The following IL1RAPL2 variants were observed in gnomAD, a reference collection of about 807,000 sequenced individuals.
IL1RAPL2 encodes X-linked interleukin-1 receptor accessory protein-like 2.
In IL1RAPL2, 3 loss-of-function variants were observed where a neutral mutation model predicts 44.1. The observed-to-expected ratio is 0.07, with a 90% CI of 0.03 to 0.18. The LOEUF (loss-of-function observed/expected upper bound fraction) is 0.18, where lower values mean the gene tolerates loss of function less well. Ranked by LOEUF, IL1RAPL2 falls within the 10% of genes least tolerant of loss-of-function variation. The pLI, the probability that IL1RAPL2 is intolerant of heterozygous loss-of-function variation, is 1.00. For synonymous variants in IL1RAPL2, 181 were observed against 178.8 expected (o/e 1.01, Z -0.10); for missense variants, 391 against 496.4 (o/e 0.79, Z 2.02).
intron 2 of IL1RAPL2, among the ~76,000 whole-genome samples, chrX:104,951,801 T>C (rs1454876779): frequency 8.9e-6 from 1 of 112,447 alleles, no homozygotes; most frequent in Non-Finnish European, 1.9e-5. Context: ...AAGGATTCAA[T>C]AGGAAAGTGC....
chrX:105,406,161 A>G (rs2035642796), intron 5 of IL1RAPL2: 54 of 1,158,081 alleles, frequency 4.7e-5, no homozygotes, highest in Non-Finnish European at 6.0e-5. Context: ...ACAAATGGAG[A>G]AATCAATTTG....
At chrX:104,872,399 A>C (rs984916008) in intron 2 of IL1RAPL2, among the ~76,000 whole-genome samples, 2 of 111,777 alleles carry the variant, frequency 1.8e-5, no homozygotes, top group African/African-American at 6.5e-5. Flanking sequence ...GAACATGTGC[A>C]CACATATGTA....
chrX:105,621,992 G>A (rs1251854033), intron 6 of IL1RAPL2, among the ~76,000 whole-genome samples: 2 of 109,701 alleles, frequency 1.8e-5, no homozygotes, highest in Non-Finnish European at 1.9e-5. Flanking sequence ...GGGAAGTAAC[G>A]ATGGTTCAGT....
In IL1RAPL2 at chrX:105,363,299, TATATATATA is replaced by T. The variant is rs1247721788; in HGVS notation, c.697+95768_697+95776del. Reference sequence around the variant, plus strand: ...TGTGTATATATATATAATATATATATATATATATAATATATATATATATATATATATTCT... The same window carrying T: ...TGTGTATATATATATAATATATATATATATATATATATATATATATATTCT... On this transcript the variant is annotated intron_variant, in intron 5 of 10. Coordinates refer to ENST00000372582, the MANE Select transcript of IL1RAPL2 (RefSeq NM_017416.2). Among the ~76,000 whole-genome samples the T allele has an allele frequency of 4.8e-3, 380 of 79,649 alleles. 13 individuals are homozygous for T. Among genetic ancestry groups the T allele is most frequent in the African/African-American group, 0.029 (358 of 12,155 alleles). The allele number at this position is 79,649 out of a possible 115,157, so 69.2% of individuals were successfully genotyped here.
At chrX:105,357,938 G>A (rs2035215363) in intron 5 of IL1RAPL2, among the ~76,000 whole-genome samples, 2 of 103,966 alleles carry the variant, frequency 1.9e-5, no homozygotes, top group African/African-American at 7.0e-5. Flanking sequence ...AGGAGGCTGA[G>A]TTGATAGGAT....
chrX:105,166,277 G>A (rs1327224630), intron 2 of IL1RAPL2, among the ~76,000 whole-genome samples: 6 of 111,262 alleles, frequency 5.4e-5, no homozygotes, highest in Non-Finnish European at 1.1e-4. Flanking sequence ...TGTAGCCCCA[G>A]GGCCTATTCC....
chrX:105,298,526 A>C (rs112896236), intron 5 of IL1RAPL2, among the ~76,000 whole-genome samples: 3 of 111,222 alleles, frequency 2.7e-5, no homozygotes, highest in African/African-American at 9.8e-5. Context: ...TGGAGATTTA[A>C]ACAAGAGTTC....
chrX:104,821,495 G>C (rs1423554235), intron 2 of IL1RAPL2, among the ~76,000 whole-genome samples: 1 of 111,230 alleles, frequency 9.0e-6, no homozygotes, highest in Non-Finnish European at 1.9e-5. Context: ...AAAATGTGGT[G>C]TTTGGTTTTC....
chrX:104,877,035 C>T (rs1213775482), intron 2 of IL1RAPL2, among the ~76,000 whole-genome samples: 2 of 110,502 alleles, frequency 1.8e-5, no homozygotes, highest in African/African-American at 6.6e-5. Context: ...CAGTTTCATA[C>T]ATGTCCCTAC....
At chrX:104,827,089 T>G in intron 2 of IL1RAPL2, among the ~76,000 whole-genome samples, 1 of 109,611 alleles carries the variant, frequency 9.1e-6, no homozygotes, top group East Asian at 2.8e-4. Flanking sequence ...AATTTGCCAG[T>G]CTTTGACTTT....
chrX:105,581,497 T>C (rs1399978281), intron 6 of IL1RAPL2, among the ~76,000 whole-genome samples: 1 of 111,614 alleles, frequency 9.0e-6, no homozygotes, highest in Non-Finnish European at 1.9e-5. Context: ...ATTTTCCATG[T>C]AGTTAAACAT....
chrX:105,056,047 T>C (rs1387481744), intron 2 of IL1RAPL2, among the ~76,000 whole-genome samples: 2 of 108,214 alleles, frequency 1.8e-5, no homozygotes, highest in African/African-American at 7.4e-5. Context: ...ATTGCAAATA[T>C]CTCATTACAA....
chrX:104,912,142 T>G (rs1398377013), intron 2 of IL1RAPL2, among the ~76,000 whole-genome samples: 1 of 101,722 alleles, frequency 9.8e-6, no homozygotes, highest in Non-Finnish European at 2.1e-5. Flanking sequence ...CAGGGATTTT[T>G]TTTTTTCTTT....
intron 1 of IL1RAPL2, among the ~76,000 whole-genome samples, chrX:104,609,755 C>A (rs1929108941): frequency 9.0e-6 from 1 of 111,591 alleles, no homozygotes; most frequent in African/African-American, 3.3e-5. Flanking sequence ...TTCCTCTAAC[C>A]TTTTTTCAAG....
chrX:104,791,825 T>C (rs771328754), intron 2 of IL1RAPL2, among the ~76,000 whole-genome samples: 8 of 111,539 alleles, frequency 7.2e-5, no homozygotes, highest in Non-Finnish European at 1.1e-4. Context: ...ATAGAACTAA[T>C]GTATTTGAGT....
In IL1RAPL2 at chrX:105,585,163, G is replaced by T. The variant is rs1338001135; in HGVS notation, c.772+100776G>T. Among the ~76,000 whole-genome samples the T allele has an allele frequency of 4.5e-5, 5 of 110,002 alleles. No individual in the cohort carries two copies. The Admixed American group carries it at 4.9e-4, about 11-fold the overall frequency. On this transcript the variant is annotated intron_variant, in intron 6 of 10. Coordinates refer to ENST00000372582, the MANE Select transcript of IL1RAPL2 (RefSeq NM_017416.2). ...TATATTGAATATTTTTATAATAACAGCTTTACTGTCCTTGTGTGTTAATTC... is the reference window on the plus strand; with the variant it reads ...TATATTGAATATTTTTATAATAACATCTTTACTGTCCTTGTGTGTTAATTC...
chrX:105,051,683 C>T (rs2147527604), intron 2 of IL1RAPL2, among the ~76,000 whole-genome samples: 1 of 113,215 alleles, frequency 8.8e-6, no homozygotes, highest in East Asian at 2.8e-4. Flanking sequence ...AAGGGCGGGC[C>T]TCCCACCGGC....
chrX:105,550,824 A>T (rs2036846504), intron 6 of IL1RAPL2, among the ~76,000 whole-genome samples: 1 of 111,626 alleles, frequency 9.0e-6, no homozygotes, highest in African/African-American at 3.3e-5. Context: ...TGTCTCTATA[A>T]TGGGATTACA....
intron 2 of IL1RAPL2, among the ~76,000 whole-genome samples, chrX:105,190,897 G>T (rs1246151588): frequency 8.9e-6 from 1 of 112,170 alleles, no homozygotes; most frequent in Non-Finnish European, 1.9e-5. Flanking sequence ...TGGTTGTACT[G>T]AAGAGGAAGT....
Sources: allele counts gnomAD v4.1 joint callset (sites outside exome capture counted in the v4.1 genomes callset), GRCh38; gene constraint gnomAD v4.1.1; transcripts MANE v1.5; gene names NCBI Gene and HGNC (gene_info 2026-07-23, HGNC 2026-07-21).